The following NEB variants were observed in gnomAD, a reference collection of about 807,000 sequenced individuals.
NEB encodes the protein nebulin.
A neutral mutation model predicts 952.2 loss-of-function variants in NEB; 512 were observed. The observed-to-expected ratio is 0.54, with a 90% CI of 0.50 to 0.58. The LOEUF is 0.58. NEB is among the 20% of genes least tolerant of loss of function. The pLI is 0.00. For synonymous variants in NEB, 2,900 were observed against 3,149.8 expected, an observed-to-expected ratio of 0.92 and a Z score of 2.66; for missense variants, 8,428 against 9,231.1, an observed-to-expected ratio of 0.91 and a Z score of 3.56.
At chr2:151,512,943 C>G in intron 160 of NEB, 106 bp from the exon 161 acceptor site, 1 of 728,904 alleles carries the variant, frequency 1.4e-6, no homozygotes, top group Non-Finnish European at 2.4e-6. Context: ...AAGAGGGACT[C>G]ATTCATTTGA....
chr2:151,571,927 T>C (rs2096642354), intron 107 of NEB, among the ~76,000 whole-genome samples: 2 of 152,234 alleles, frequency 1.3e-5, no homozygotes, highest in Non-Finnish European at 2.9e-5. Flanking sequence ...GGACAGGTTT[T>C]ATATGAATTT....
Position 151,658,096 on chromosome 2 carries a change from A to C in NEB, c.6076-6T>G, listed in dbSNP as rs2154154265. 6.5e-7 allele frequency: 1 copy of C among 1,542,304 alleles called. No homozygotes were observed. The highest frequency in any genetic ancestry group is 8.9e-7 in the Non-Finnish European group (1 of 1,122,634). ...AAGGAAAGTTTGTAGAGTTTCTGTA[A>C]AGAGAGGCAAAGGGAAGAGTTTTCT... On this transcript the variant is annotated splice_polypyrimidine_tract_variant and splice_region_variant and intron_variant, in intron 47 of 181. Coordinates refer to ENST00000397345, the MANE Select transcript of NEB (RefSeq NM_001164508.2).
chr2:151,546,475 A>G lies in NEB; in HGVS notation c.20368-32T>C, dbSNP rs1262655757. The G allele has an allele frequency of 5.7e-6, 8 of 1,404,420 alleles. No individual in the cohort carries two copies. The Admixed American group carries it at 6.7e-5, about 12-fold the overall frequency. The allele number at this position is 1,404,420 out of a possible 1,614,324, so 87.0% of individuals were successfully genotyped here. Reference sequence around the variant, plus strand: ...GGCAAACACAGAAATATAGCTGGTCATAAGCAAATGTAAGTCAGGAAACAC... The same window carrying G: ...GGCAAACACAGAAATATAGCTGGTCGTAAGCAAATGTAAGTCAGGAAACAC... On this transcript the variant is annotated intron_variant, in intron 133 of 181. Coordinates refer to ENST00000397345, the MANE Select transcript of NEB (RefSeq NM_001164508.2).
At chr2:151,546,969 C>G (rs1229209878) in intron 133 of NEB, among the ~76,000 whole-genome samples, 1 of 152,032 alleles carries the variant, frequency 6.6e-6, no homozygotes, top group Admixed American at 6.6e-5. Context: ...TATTTTATTA[C>G]TATAACATTG....
At chr2:151,523,888 G>GA (rs199790903) in intron 153 of NEB, among the ~76,000 whole-genome samples, 179 of 150,160 alleles carry the variant, frequency 1.2e-3, no homozygotes, top group Middle Eastern at 6.8e-3. Flanking sequence ...TATGTTTAAT[G>GA]AAAAAAAAAT....
chr2:151,581,696 A>C, intron 102 of NEB, 109 bp from the exon 103 acceptor site: 1 of 1,270,996 alleles, frequency 7.9e-7, no homozygotes, highest in African/African-American at 1.5e-5. Flanking sequence ...ATGATGAAAA[A>C]AATTTTAAGT....
chr2:151,666,294 C>A lies in NEB; in HGVS notation c.4827G>T (p.Gln1609His), dbSNP rs755616084. 2 of 1,613,798 alleles carry A rather than the reference C, an allele frequency of 1.2e-6. No homozygotes were observed. Among genetic ancestry groups the A allele is most frequent in the African/African-American group, 2.7e-5 (2 of 74,900 alleles). Residue 1609 changes from glutamine (Q) to histidine (H), a missense_variant, in exon 41 of 182, where the codon CAG becomes CAT. Gln to His is a conservative substitution (Grantham distance 24). This residue lies in a region of NEB where 2,851 missense variants were observed against 2,791.5 expected (regional missense o/e 1.02). Coordinates refer to ENST00000397345, the MANE Select transcript of NEB (RefSeq NM_001164508.2). ...LVHYMNVAKI[Q>H]SDREYKKGYE... The stretch of plus-strand genomic sequence containing the variant: ...AGCCCTTTTTGTACTCACGATCAGA[C>A]TGGATTTTGGCCACATTCATGTAGT...
chr2:151,500,439 G>GTGT (rs1380076169), intron 168 of NEB, among the ~76,000 whole-genome samples: 1 of 151,360 alleles, frequency 6.6e-6, no homozygotes, highest in Non-Finnish European at 1.5e-5. Flanking sequence ...AATAATTTGT[G>GTGT]TGTTAGAGTT....
At chr2:151,726,861 A>G (rs182983409) in intron 5 of NEB, among the ~76,000 whole-genome samples, 7 of 151,942 alleles carry the variant, frequency 4.6e-5, no homozygotes, top group Non-Finnish European at 1.5e-5. Flanking sequence ...CCCTACCTCT[A>G]TGAAAAAATA....
At chr2:151,707,110 G>A in intron 12 of NEB, 113 bp from the exon 13 acceptor site, 1 of 667,078 alleles carries the variant, frequency 1.5e-6, no homozygotes, top group Non-Finnish European at 2.5e-6. Flanking sequence ...AAAAATGGCA[G>A]CTTGACATTT....
chr2:151,639,834 G>C (rs79415884), intron 62 of NEB, 23 bp downstream of exon 62: 4 of 1,583,006 alleles, frequency 2.5e-6, no homozygotes, highest in Non-Finnish European at 3.5e-6. Context: ...GCCCCACTTC[G>C]ATTCTTAATT....
intron 181 of NEB, 23 bp from the exon 182 acceptor site, chr2:151,485,956 G>A: frequency 6.2e-7 from 1 of 1,611,024 alleles, no homozygotes. Flanking sequence ...ATGGAAAAGG[G>A]GAAATATTAT....
Position 151,621,100 on chromosome 2 carries a change from G to T in NEB, c.10453-74C>A, listed in dbSNP as rs952980072. Reference sequence around the variant, plus strand: ...AAAAGTATATTTTCTGCCAAAGGAAGACCACTTTTGGATGCAAAACTACAT... The same window carrying T: ...AAAAGTATATTTTCTGCCAAAGGAATACCACTTTTGGATGCAAAACTACAT... On this transcript the variant is annotated intron_variant, in intron 71 of 181. Coordinates refer to ENST00000397345, the MANE Select transcript of NEB (RefSeq NM_001164508.2). 4.2e-6 allele frequency: 5 copies of T among 1,185,016 alleles called. No homozygotes were observed. In the African/African-American group the frequency reaches 7.6e-5, roughly 18 times the overall value. The allele number at this position is 1,185,016 out of a possible 1,614,324, so 73.4% of individuals were successfully genotyped here.
Position 151,643,781 on chromosome 2 carries a change from T to A in NEB, c.7956+37A>T, listed in dbSNP as rs763037677. The A allele has an allele frequency of 3.1e-6, 5 of 1,598,188 alleles. No homozygotes were observed. In the Admixed American group the frequency reaches 8.4e-5, roughly 27 times the overall value. On this transcript the variant is annotated intron_variant, in intron 57 of 181. Transcript: ENST00000397345. ...ACTCTGATACTTTAAAAAGCAGACA[T>A]AATGTTTTGTTGGCCAAAGGAAAAT...
intron 81 of NEB, among the ~76,000 whole-genome samples, chr2:151,609,336 T>C (rs1439509325): frequency 6.6e-6 from 1 of 152,130 alleles, no homozygotes. Context: ...CTCACATGAT[T>C]GAGGGTTTTT....
Position 151,549,647 on chromosome 2 carries a change from T to A in NEB, c.20038A>T (p.Met6680Leu). 1 of 1,594,998 alleles carries A rather than the reference T, an allele frequency of 6.3e-7. No homozygotes were observed. The highest frequency in any genetic ancestry group is 8.6e-7 in the Non-Finnish European group (1 of 1,169,214). ...AGGAGACCACTCACATAACTGCTCA[T>A]GTAACGGGTGTCCTTGATGTGTTTG... Reference protein sequence around the residue: ...HFKHIKDTRYMSSYFKYKEAY... With the variant: ...HFKHIKDTRYLSSYFKYKEAY... Residue 6680 changes from methionine (M) to leucine (L), a missense_variant, in exon 130 of 182, where the codon ATG becomes TTG. Coordinates refer to ENST00000397345, the MANE Select transcript of NEB (RefSeq NM_001164508.2).
At chr2:151,504,301 A>G (rs1009392957) in intron 165 of NEB, among the ~76,000 whole-genome samples, 1 of 152,206 alleles carries the variant, frequency 6.6e-6, no homozygotes, top group Non-Finnish European at 1.5e-5. Flanking sequence ...ACCTTTGAAC[A>G]TCTACCTTCT....
chr2:151,677,626 G>A lies in NEB; in HGVS notation c.3713C>T (p.Thr1238Ile), dbSNP rs1311528896. 1.2e-6 allele frequency: 2 copies of A among 1,613,920 alleles called. No homozygotes were observed. Among genetic ancestry groups the A allele is most frequent in the Non-Finnish European group, 1.7e-6 (2 of 1,179,870 alleles). ...YRQHPDTLKF[T>I]SIVDSPVMVQ... ...CATAACTGGGGAGTCCACAATGCTG[G>A]TAAATTTGAGGGTGTCTGGATGTTG... Residue 1238 changes from threonine to isoleucine, a missense_variant, in exon 34 of 182, where the codon ACC becomes ATC. Around this residue, in one of 11 missense-constraint regions of NEB, gnomAD observed 2,851 missense variants for 2,791.5 expected, o/e 1.02. Transcript: ENST00000397345.
chr2:151,610,509 T>C lies in NEB; in HGVS notation c.12018+7A>G, dbSNP rs372905711. ...AGACCACAGAGAGTTAGATGGAAGG[T>C]ACTCACGTCACTGGCGATGTCCCTG... is the stretch of plus-strand genomic sequence containing the variant. On this transcript the variant is annotated splice_region_variant and intron_variant, in intron 80 of 181. Coordinates refer to ENST00000397345, the MANE Select transcript of NEB (RefSeq NM_001164508.2). The C allele has an allele frequency of 6.3e-7, 1 of 1,592,770 alleles. No individual in the cohort carries two copies.
Sources: allele counts gnomAD v4.1 joint callset (sites outside exome capture counted in the v4.1 genomes callset), GRCh38; gene constraint gnomAD v4.1.1; regional missense constraint gnomAD v4.1.1; transcripts MANE v1.5; gene names NCBI Gene and HGNC (gene_info 2026-07-23, HGNC 2026-07-21).